Variants in TYW1 observed in about 807,000 individuals in gnomAD.
TYW1 encodes S-adenosyl-L-methionine-dependent tRNA 4-demethylwyosine synthase TYW1.
TYW1 carries 46 observed loss-of-function variants against 96.2 expected under a neutral mutation model. That is an observed-to-expected ratio of 0.48 (90% CI 0.38 to 0.61). The LOEUF is 0.61. Among genes scored for constraint, TYW1 ranks in the 20% least tolerant of loss-of-function variants. TYW1 has a pLI of 0.00. For synonymous variants in TYW1, 274 were observed against 323.0 expected (o/e 0.85, Z 1.63); for missense variants, 684 against 909.6 (o/e 0.75, Z 3.19).
chr7:67,172,430 C>CCTTTTTTTT lies in TYW1; in HGVS notation c.1699-10696_1699-10695insCTTTTTTTT, dbSNP rs777213368. On this transcript the variant is annotated intron_variant, in intron 13 of 15. Coordinates refer to ENST00000359626, the MANE Select transcript of TYW1 (RefSeq NM_018264.4). ...TTGAACCCCACATGACCTTACCATT[C>CCTTTTTTTT]TTTTTTTTGAGATGGAGTCTCACTC... Among the ~76,000 whole-genome samples the CCTTTTTTTT allele has an allele frequency of 4.4e-4, 63 of 143,950 alleles. 1 individual carries two copies. The highest frequency in any genetic ancestry group is 6.6e-4 in the South Asian group (3 of 4,530). The allele number at this position is 143,950 out of a possible 152,430, so 94.4% of individuals were successfully genotyped here.
At chr7:67,003,621 G>C (rs1487593713) in intron 3 of TYW1, among the ~76,000 whole-genome samples, 3 of 152,014 alleles carry the variant, frequency 2.0e-5, no homozygotes, top group Non-Finnish European at 4.4e-5. Context: ...TAATAACAAA[G>C]GTGACACAAT....
intron 4 of TYW1, among the ~76,000 whole-genome samples, chr7:67,014,032 C>T (rs1020505007): frequency 4.2e-4 from 64 of 152,188 alleles, no homozygotes; most frequent in African/African-American, 1.4e-3. Flanking sequence ...CTTGAGCCAC[C>T]GCACCCGGCC....
At chr7:67,067,650 A>G (rs1235865416) in intron 10 of TYW1, among the ~76,000 whole-genome samples, 1 of 152,200 alleles carries the variant, frequency 6.6e-6, no homozygotes, top group Non-Finnish European at 1.5e-5. Context: ...TGGTGAGTTT[A>G]GTTTGTCTTA....
intron 13 of TYW1, among the ~76,000 whole-genome samples, chr7:67,170,206 G>A (rs888367543): frequency 6.6e-6 from 1 of 152,094 alleles, no homozygotes; most frequent in Non-Finnish European, 1.5e-5. Flanking sequence ...CCATTGCATT[G>A]TCTTTGTACC....
At position 67,053,671 on chromosome 7, in the gene TYW1, A is replaced by G. The variant is rs537855700; in HGVS notation, c.1103-2164A>G. 3.3e-5 allele frequency among the ~76,000 whole-genome samples: 5 copies of G among 152,264 alleles called. No individual in the cohort carries two copies. The East Asian group carries it at 7.7e-4, about 24-fold the overall frequency. ...CTGGGATTTACAGGTGTGAGCCACC[A>G]TGCCCATCCCATTTGGGATAGTTTC... On this transcript the variant is annotated intron_variant, in intron 8 of 15. Transcript: ENST00000359626.
At chr7:67,055,973 T>C in intron 9 of TYW1, 86 bp downstream of exon 9, 2 of 1,037,146 alleles carry the variant, frequency 1.9e-6, no homozygotes, top group Admixed American at 2.7e-5. Context: ...ATTTACTATT[T>C]AGAGGTATAA....
intron 4 of TYW1, among the ~76,000 whole-genome samples, chr7:67,010,459 C>T (rs1176712507): frequency 1.3e-5 from 2 of 151,798 alleles, no homozygotes; most frequent in Non-Finnish European, 2.9e-5. Context: ...TGCTGCCATG[C>T]CCTGCTAATT....
chr7:67,067,227 G>A, intron 9 of TYW1, 58 bp from the exon 10 acceptor site: 1 of 1,551,360 alleles, frequency 6.4e-7, no homozygotes, highest in East Asian at 2.2e-5. Flanking sequence ...ATGCCTTGGT[G>A]GTTTGTTTCT....
chr7:67,189,216 C>T (rs946246628), intron 14 of TYW1, among the ~76,000 whole-genome samples: 10 of 152,280 alleles, frequency 6.6e-5, no homozygotes, highest in African/African-American at 2.2e-4. Context: ...GGAAGGGCGA[C>T]TGTAAATGCG....
At chr7:67,084,072 T>A (rs1337777369) in intron 11 of TYW1, among the ~76,000 whole-genome samples, 2 of 152,216 alleles carry the variant, frequency 1.3e-5, no homozygotes, top group Non-Finnish European at 2.9e-5. Flanking sequence ...TAGCAACTTA[T>A]AATATGCTGC....
At chr7:67,231,186 G>T (rs1263712795) in intron 15 of TYW1, among the ~76,000 whole-genome samples, 1 of 152,060 alleles carries the variant, frequency 6.6e-6, no homozygotes, top group Non-Finnish European at 1.5e-5. Context: ...TCTTCATCTA[G>T]ATTTCTGTGT....
chr7:67,105,261 C>T (rs1220365612), intron 12 of TYW1, among the ~76,000 whole-genome samples: 1 of 152,224 alleles, frequency 6.6e-6, no homozygotes. Context: ...GCCACATTTA[C>T]AGTCTACATA....
At chr7:67,209,577 T>A (rs1800928397) in intron 15 of TYW1, among the ~76,000 whole-genome samples, 1 of 152,082 alleles carries the variant, frequency 6.6e-6, no homozygotes. Flanking sequence ...TTTTTTTAAA[T>A]TTTTTTATTT....
At chr7:67,053,308 G>A (rs546116635) in intron 8 of TYW1, among the ~76,000 whole-genome samples, 50 of 151,696 alleles carry the variant, frequency 3.3e-4, no homozygotes, top group Middle Eastern at 6.8e-3. Context: ...TTCTCAGCCT[G>A]CTGTAAGCAT....
chr7:67,228,065 T>C (rs1231101340), intron 15 of TYW1, among the ~76,000 whole-genome samples: 1 of 152,188 alleles, frequency 6.6e-6, no homozygotes, highest in Non-Finnish European at 1.5e-5. Flanking sequence ...AACTGCAATG[T>C]GGGAGTAGCT....
At chr7:67,001,953 G>A (rs1313150356) in intron 3 of TYW1, among the ~76,000 whole-genome samples, 3 of 151,766 alleles carry the variant, frequency 2.0e-5, no homozygotes, top group African/African-American at 7.3e-5. Context: ...AGAATTGCTT[G>A]AATCTGGGAG....
intron 13 of TYW1, among the ~76,000 whole-genome samples, chr7:67,149,111 C>T (rs1032001028): frequency 6.6e-6 from 1 of 152,178 alleles, no homozygotes; most frequent in Non-Finnish European, 1.5e-5. Context: ...CGGCCATTCA[C>T]CTCACCACTT....
intron 7 of TYW1, among the ~76,000 whole-genome samples, chr7:67,035,021 T>G (rs1794787820): frequency 6.6e-6 from 1 of 152,220 alleles, no homozygotes; most frequent in Non-Finnish European, 1.5e-5. Context: ...AGCTTTGTGT[T>G]AATTTGCATT....
intron 14 of TYW1, among the ~76,000 whole-genome samples, chr7:67,193,517 A>G (rs10233507): frequency 0.29 from 43,961 of 151,988 alleles, 7,055 homozygotes; most frequent in African/African-American, 0.43. Flanking sequence ...CCCAGCACAT[A>G]GGAGGCCGAG....
Sources: allele counts gnomAD v4.1 joint callset (sites outside exome capture counted in the v4.1 genomes callset), GRCh38; gene constraint gnomAD v4.1.1; transcripts MANE v1.5; gene names NCBI Gene and HGNC (gene_info 2026-07-23, HGNC 2026-07-21).